The following SCMH1 variants were observed in gnomAD, a reference collection of about 807,000 sequenced individuals.
The protein encoded by SCMH1 is polycomb protein SCMH1.
A neutral mutation model predicts 70.8 loss-of-function variants in SCMH1; 37 were observed. That is an observed-to-expected ratio of 0.52 (90% CI 0.40 to 0.69). The LOEUF (loss-of-function observed/expected upper bound fraction) is 0.69. SCMH1 is among the 30% of genes least tolerant of loss of function. The pLI, the probability that SCMH1 is intolerant of heterozygous loss-of-function variation, is 0.00. For synonymous variants in SCMH1, 292 were observed against 307.4 expected (o/e 0.95, Z 0.52); for missense variants, 607 against 827.3 (o/e 0.73, Z 3.27).
intron 2 of SCMH1, among the ~76,000 whole-genome samples, chr1:41,178,510 C>T (rs1197267572): frequency 6.6e-6 from 1 of 152,086 alleles, no homozygotes; most frequent in Non-Finnish European, 1.5e-5. Flanking sequence ...CAGAGACACA[C>T]ATAGGCTCAA....
intron 8 of SCMH1, among the ~76,000 whole-genome samples, chr1:41,080,350 A>G (rs1172523732): frequency 1.3e-5 from 2 of 152,184 alleles, no homozygotes; most frequent in Non-Finnish European, 2.9e-5. Flanking sequence ...GAAAAATAGA[A>G]GAGGGAACAC....
At chr1:41,168,155 T>C (rs1335601908) in intron 2 of SCMH1, among the ~76,000 whole-genome samples, 1 of 152,104 alleles carries the variant, frequency 6.6e-6, no homozygotes, top group African/African-American at 2.4e-5. Flanking sequence ...TTTGGCTTTC[T>C]ATCTCCTTCC....
intron 10 of SCMH1, among the ~76,000 whole-genome samples, chr1:41,053,559 C>A (rs1649046841): frequency 6.6e-6 from 1 of 152,230 alleles, no homozygotes; most frequent in Non-Finnish European, 1.5e-5. Context: ...TCAAGCCACC[C>A]CAGCTGACGC....
intron 2 of SCMH1, among the ~76,000 whole-genome samples, chr1:41,184,976 G>A (rs1040827635): frequency 6.6e-6 from 1 of 152,110 alleles, no homozygotes; most frequent in Non-Finnish European, 1.5e-5. Flanking sequence ...TAAAGATTAT[G>A]TCTTATTCTC....
chr1:41,092,606 T>G (rs200398724), intron 8 of SCMH1, among the ~76,000 whole-genome samples: 74 of 152,046 alleles, frequency 4.9e-4, no homozygotes, highest in East Asian at 3.5e-3. Flanking sequence ...TGGGAGAAAA[T>G]TTTTGCAATC....
At chr1:41,082,707 T>C (rs1331237075) in intron 8 of SCMH1, among the ~76,000 whole-genome samples, 2 of 152,244 alleles carry the variant, frequency 1.3e-5, no homozygotes, top group East Asian at 3.9e-4. Context: ...TTGATGAACA[T>C]TGATGCGAAA....
At chr1:41,152,138 T>C (rs776938920) in intron 4 of SCMH1, among the ~76,000 whole-genome samples, 18 of 152,196 alleles carry the variant, frequency 1.2e-4, no homozygotes, top group South Asian at 1.0e-3. Context: ...TCAGGAAGAA[T>C]GAAGAAAAGG....
In SCMH1 at chr1:41,079,791, C is replaced by T. The variant is rs530799788; in HGVS notation, c.746-4340G>A. Reference sequence around the variant, plus strand: ...AGGTCGAGGTTGCAGTGAGCTATATCACACCACTGCACTTCAGCCTGGATT... The same window carrying T: ...AGGTCGAGGTTGCAGTGAGCTATATTACACCACTGCACTTCAGCCTGGATT... On this transcript the variant is annotated intron_variant, in intron 8 of 14. Transcript: ENST00000337495. Among the ~76,000 whole-genome samples, 4 of 152,210 alleles carry T rather than the reference C, an allele frequency of 2.6e-5. No individual in the cohort carries two copies. In the South Asian group the frequency reaches 8.3e-4, roughly 32 times the overall value.
intron 12 of SCMH1, among the ~76,000 whole-genome samples, chr1:41,041,779 G>C (rs933298688): frequency 1.3e-5 from 2 of 152,172 alleles, no homozygotes; most frequent in Non-Finnish European, 2.9e-5. Flanking sequence ...ATGACAACTG[G>C]AAAGAAAGGC....
chr1:41,136,032 A>G (rs79552478), intron 6 of SCMH1, among the ~76,000 whole-genome samples: 4,817 of 151,536 alleles, frequency 0.032, 126 homozygotes, highest in South Asian at 0.093. Context: ...CAATCTCCAC[A>G]TCCCAGGCTC....
At chr1:41,161,679 C>A (rs1646044632) in intron 2 of SCMH1, among the ~76,000 whole-genome samples, 1 of 152,140 alleles carries the variant, frequency 6.6e-6, no homozygotes, top group South Asian at 2.1e-4. Flanking sequence ...ATAATACAAA[C>A]ACTTGACAAA....
At chr1:41,217,917 AT>A (rs1331369943) in intron 1 of SCMH1, among the ~76,000 whole-genome samples, 1 of 151,858 alleles carries the variant, frequency 6.6e-6, no homozygotes, top group African/African-American at 2.4e-5. Flanking sequence ...TATTCTTTCC[AT>A]TTTCTCCCTT....
At chr1:41,044,376 GTAAT>G (rs1448506760) in intron 12 of SCMH1, among the ~76,000 whole-genome samples, 1 of 152,148 alleles carries the variant, frequency 6.6e-6, no homozygotes, top group African/African-American at 2.4e-5. Flanking sequence ...GTTTAGGTAA[GTAAT>G]CAGAAAAACA....
chr1:41,209,606 C>T (rs192308646), intron 1 of SCMH1, among the ~76,000 whole-genome samples: 1 of 152,254 alleles, frequency 6.6e-6, no homozygotes, highest in Non-Finnish European at 1.5e-5. Context: ...ACAGAACCAT[C>T]GACAAAAACC....
chr1:41,068,037 C>T (rs1655259453), intron 10 of SCMH1, among the ~76,000 whole-genome samples: 2 of 152,144 alleles, frequency 1.3e-5, no homozygotes, highest in African/African-American at 2.4e-5. Context: ...TGCAAATCTC[C>T]AACCACGGGG....
chr1:41,236,877 T>A (rs1450582373), intron 1 of SCMH1, among the ~76,000 whole-genome samples: 2 of 152,216 alleles, frequency 1.3e-5, no homozygotes, highest in Admixed American at 1.3e-4. Context: ...ATTGGTTGAA[T>A]ACACAGATGC....
chr1:41,179,834 A>G (rs780225881), intron 2 of SCMH1, among the ~76,000 whole-genome samples: 84 of 152,328 alleles, frequency 5.5e-4, no homozygotes, highest in Non-Finnish European at 1.0e-3. Context: ...AATCAACAGA[A>G]AAAGAAGGAA....
intron 2 of SCMH1, among the ~76,000 whole-genome samples, chr1:41,185,343 G>A (rs1419719372): frequency 6.6e-6 from 1 of 152,056 alleles, no homozygotes; most frequent in African/African-American, 2.4e-5. Flanking sequence ...ACACCACCAC[G>A]ACTGGCTACT....
chr1:41,048,826 T>A, exon 11 of SCMH1: 1 of 1,613,884 alleles, frequency 6.2e-7, no homozygotes, highest in South Asian at 1.1e-5. Context: ...GGTCAGGGAG[T>A]TGCTGGACCT....
Sources: allele counts gnomAD v4.1 joint callset (sites outside exome capture counted in the v4.1 genomes callset), GRCh38; gene constraint gnomAD v4.1.1; transcripts MANE v1.5; gene names NCBI Gene and HGNC (gene_info 2026-07-23, HGNC 2026-07-21).